Variants in EPB41L4B observed in about 807,000 individuals in gnomAD.
The protein encoded by EPB41L4B is erythrocyte membrane protein band 4.1 like 4B.
A neutral mutation model predicts 112.5 loss-of-function variants in EPB41L4B; 30 were observed. The ratio of observed to expected loss-of-function variants is 0.27; its 90% CI spans 0.20 to 0.36. The LOEUF (loss-of-function observed/expected upper bound fraction) is 0.36, where lower values mean the gene tolerates loss of function less well. EPB41L4B is among the 10% of genes least tolerant of loss of function. The probability of loss-of-function intolerance (pLI) is 1.00; values close to 1 mark genes in which losing one functional copy is unlikely to be tolerated. For missense variants in EPB41L4B, 1,024 were observed against 1,133.3 expected (o/e 0.90, Z 1.38); for synonymous variants, 408 against 439.7 (o/e 0.93, Z 0.90).
intron 15 of EPB41L4B, among the ~76,000 whole-genome samples, chr9:109,232,173 G>A (rs1202863650): frequency 2.0e-5 from 3 of 151,986 alleles, no homozygotes; most frequent in African/African-American, 7.2e-5. Context: ...TGTATTTTTA[G>A]TAGAGACGGA....
At chr9:109,274,667 G>A (rs1162567308) in intron 2 of EPB41L4B, among the ~76,000 whole-genome samples, 2 of 152,116 alleles carry the variant, frequency 1.3e-5, no homozygotes, top group African/African-American at 2.4e-5. Context: ...ATGTATGTAC[G>A]CATGAACCAA....
intron 15 of EPB41L4B, chr9:109,241,447 C>T (rs1834349389): frequency 7.5e-7 from 1 of 1,324,766 alleles, no homozygotes; most frequent in Non-Finnish European, 9.6e-7. Flanking sequence ...ATTCCTGAGC[C>T]TTTACCTTCA....
chr9:109,265,557 C>CAA (rs1289211395), intron 4 of EPB41L4B, among the ~76,000 whole-genome samples: 1 of 151,556 alleles, frequency 6.6e-6, no homozygotes, highest in African/African-American at 2.4e-5. Context: ...CACAAACACA[C>CAA]ACACACACAC....
intron 1 of EPB41L4B, among the ~76,000 whole-genome samples, chr9:109,283,759 G>A (rs987696827): frequency 2.0e-5 from 3 of 151,934 alleles, no homozygotes; most frequent in East Asian, 1.9e-4. Context: ...TCCTTATGAC[G>A]GGATTACATC....
chr9:109,177,295 T>A (rs370926021), intron 24 of EPB41L4B, among the ~76,000 whole-genome samples: 10 of 152,080 alleles, frequency 6.6e-5, no homozygotes, highest in African/African-American at 2.2e-4. Flanking sequence ...AAAATGCAAA[T>A]TCTCAGGCCT....
chr9:109,256,832 CT>C (rs1835001121), intron 7 of EPB41L4B, among the ~76,000 whole-genome samples: 1 of 152,168 alleles, frequency 6.6e-6, no homozygotes, highest in African/African-American at 2.4e-5. Flanking sequence ...ATCCCAGCTA[CT>C]TGGGAGGCTG....
At chr9:109,236,799 A>G (rs868374987) in intron 15 of EPB41L4B, among the ~76,000 whole-genome samples, 33 of 152,198 alleles carry the variant, frequency 2.2e-4, no homozygotes, top group African/African-American at 8.0e-4. Context: ...GGGACCTTTA[A>G]CAGTGACTTG....
At chr9:109,206,519 C>T (rs566549963) in intron 18 of EPB41L4B, among the ~76,000 whole-genome samples, 2 of 152,302 alleles carry the variant, frequency 1.3e-5, no homozygotes, top group East Asian at 1.9e-4. Flanking sequence ...AATGAAATCA[C>T]GGACTGCAGC....
chr9:109,212,005 C>A (rs1402120891), intron 17 of EPB41L4B, among the ~76,000 whole-genome samples: 1 of 151,990 alleles, frequency 6.6e-6, no homozygotes, highest in Non-Finnish European at 1.5e-5. Flanking sequence ...CAGGCATGAA[C>A]CACCATGCCA....
chr9:109,244,095 T>C (rs1235837426), intron 14 of EPB41L4B, among the ~76,000 whole-genome samples: 1 of 152,102 alleles, frequency 6.6e-6, no homozygotes, highest in Non-Finnish European at 1.5e-5. Flanking sequence ...TTGCTGAAAA[T>C]GACAATGACC....
rs527527504 is a variant in EPB41L4B, at chr9:109,186,450, G to C, written c.2302-845C>G. Among the ~76,000 whole-genome samples the C allele has an allele frequency of 5.9e-5, 9 of 151,604 alleles. No individual in the cohort carries two copies. In the South Asian group the frequency reaches 1.9e-3, roughly 32 times the overall value. Reference sequence around the variant, plus strand: ...GATCCACCCGCCTCGGCCTCCCAAAGTGTTGGGATTACAAGTGTGAGCTAC... The same window carrying C: ...GATCCACCCGCCTCGGCCTCCCAAACTGTTGGGATTACAAGTGTGAGCTAC... On this transcript the variant is annotated intron_variant, in intron 22 of 25. Coordinates refer to ENST00000374566, the MANE Select transcript of EPB41L4B (RefSeq NM_019114.5).
chr9:109,292,026 C>A (rs1836554313), intron 1 of EPB41L4B, among the ~76,000 whole-genome samples: 1 of 152,160 alleles, frequency 6.6e-6, no homozygotes, highest in African/African-American at 2.4e-5. Flanking sequence ...CCTTTAACAG[C>A]ATCTCCTTCA....
intron 2 of EPB41L4B, among the ~76,000 whole-genome samples, chr9:109,275,176 C>T (rs902591017): frequency 3.7e-4 from 57 of 152,298 alleles, no homozygotes; most frequent in African/African-American, 1.3e-3. Context: ...GGGCAGGGCA[C>T]TATGGAAACC....
intron 17 of EPB41L4B, among the ~76,000 whole-genome samples, chr9:109,208,259 C>A (rs904377521): frequency 6.6e-6 from 1 of 152,152 alleles, no homozygotes; most frequent in Non-Finnish European, 1.5e-5. Flanking sequence ...GGGTGAGGAC[C>A]TACCAGAAGC....
intron 18 of EPB41L4B, among the ~76,000 whole-genome samples, chr9:109,205,476 T>C (rs1267430771): frequency 6.6e-6 from 1 of 152,246 alleles, no homozygotes; most frequent in African/African-American, 2.4e-5. Context: ...ATTACAGCTT[T>C]GTAAATTGCA....
chr9:109,267,390 G>T, intron 4 of EPB41L4B, 83 bp downstream of exon 4: 1 of 830,476 alleles, frequency 1.2e-6, no homozygotes, highest in Admixed American at 2.2e-5. Context: ...AGAAGAAGAG[G>T]CAAACCCACA....
At chr9:109,212,265 C>A (rs1408840441) in intron 17 of EPB41L4B, among the ~76,000 whole-genome samples, 2 of 152,120 alleles carry the variant, frequency 1.3e-5, no homozygotes, top group Non-Finnish European at 2.9e-5. Context: ...CCCATTAAAA[C>A]CATTTATTGT....
intron 18 of EPB41L4B, among the ~76,000 whole-genome samples, chr9:109,206,528 G>A (rs1054852832): frequency 6.6e-6 from 1 of 152,160 alleles, no homozygotes; most frequent in Non-Finnish European, 1.5e-5. Context: ...ACGGACTGCA[G>A]CTTTTTATAA....
chr9:109,279,953 A>C (rs368512883), intron 1 of EPB41L4B, 32 bp from the exon 2 acceptor site: 1 of 1,543,764 alleles, frequency 6.5e-7, no homozygotes, highest in African/African-American at 1.4e-5. Flanking sequence ...GAAAAAACTT[A>C]GGGTGAGACA....
Sources: allele counts gnomAD v4.1 joint callset (sites outside exome capture counted in the v4.1 genomes callset), GRCh38; gene constraint gnomAD v4.1.1; transcripts MANE v1.5; gene names NCBI Gene and HGNC (gene_info 2026-07-23, HGNC 2026-07-21).